Variants in SEMA5A observed in about 807,000 individuals in gnomAD.
SEMA5A encodes semaphorin 5A.
In SEMA5A, 55 loss-of-function variants were observed where a neutral mutation model predicts 135.5. The observed-to-expected ratio is 0.41, with a 90% confidence interval of 0.33 to 0.51. The LOEUF (loss-of-function observed/expected upper bound fraction) is 0.51, where lower values mean the gene tolerates loss of function less well. Among genes scored for constraint, SEMA5A ranks in the 20% least tolerant of loss-of-function variants. SEMA5A has a pLI of 0.37. For missense variants in SEMA5A, 1,290 were observed against 1,419.9 expected, an observed-to-expected ratio of 0.91 and a Z score of 1.47; for synonymous variants, 580 against 546.5, an observed-to-expected ratio of 1.06 and a Z score of -0.85.
chr5:9,148,517 C>T (rs1742461335), intron 12 of SEMA5A, among the ~76,000 whole-genome samples: 1 of 152,166 alleles, frequency 6.6e-6, no homozygotes, highest in South Asian at 2.1e-4. Context: ...CCATTCCTCC[C>T]TCATCCCTAT....
At chr5:9,298,854 TTATAAG>T (rs1377459415) in intron 5 of SEMA5A, among the ~76,000 whole-genome samples, 4 of 152,302 alleles carry the variant, frequency 2.6e-5, no homozygotes, top group Admixed American at 6.5e-5. Flanking sequence ...TACCCCATTG[TTATAAG>T]ATTTTGAAAT....
Position 9,042,784 on chromosome 5 carries a change from T to C in SEMA5A, c.*113A>G. 1 of 1,326,578 alleles carries C rather than the reference T, an allele frequency of 7.5e-7. No individual in the cohort carries two copies. Among genetic ancestry groups the C allele is most frequent in the Non-Finnish European group, 1.1e-6 (1 of 945,252 alleles). 82.2% of individuals were successfully genotyped at this position (1,326,578 alleles called of 1,614,324 possible). ...AATGGGACACTCTGGTGGCTTGAAATGCACTTGAAATGTATCCAAACTTCG... is the reference window on the plus strand; with the variant it reads ...AATGGGACACTCTGGTGGCTTGAAACGCACTTGAAATGTATCCAAACTTCG... On this transcript the variant is annotated 3_prime_UTR_variant, in exon 23 of 23. Transcript: ENST00000382496.
intron 2 of SEMA5A, among the ~76,000 whole-genome samples, chr5:9,433,446 G>A (rs1288751433): frequency 6.6e-6 from 1 of 151,916 alleles, no homozygotes; most frequent in Admixed American, 6.6e-5. Flanking sequence ...AAAAAACAGT[G>A]ACAATAATGA....
rs1405609586 is a variant in SEMA5A, at chr5:9,509,433, C to T, written c.-175+36151G>A. Among the ~76,000 whole-genome samples, 4 of 152,098 alleles carry T rather than the reference C, an allele frequency of 2.6e-5. No individual in the cohort carries two copies. In the East Asian group the frequency reaches 5.8e-4, roughly 22 times the overall value. ...GGGATTACAGGCGCACACCACCACG[C>T]CCGGCTAATTTTTGTATTTTTAGTA... On this transcript the variant is annotated intron_variant, in intron 1 of 22. Transcript: ENST00000382496.
intron 1 of SEMA5A, among the ~76,000 whole-genome samples, chr5:9,479,667 ATCT>A (rs1759800771): frequency 6.6e-6 from 1 of 152,204 alleles, no homozygotes; most frequent in Non-Finnish European, 1.5e-5. Context: ...AAGGAATAAA[ATCT>A]TCTTCGGGTA....
At chr5:9,506,527 G>A (rs571983286) in intron 1 of SEMA5A, among the ~76,000 whole-genome samples, 2 of 152,264 alleles carry the variant, frequency 1.3e-5, no homozygotes, top group South Asian at 2.1e-4. Context: ...AATGAACAAC[G>A]AAATATGGCC....
chr5:9,498,238 T>C (rs1735400907), intron 1 of SEMA5A, among the ~76,000 whole-genome samples: 1 of 152,146 alleles, frequency 6.6e-6, no homozygotes, highest in African/African-American at 2.4e-5. Context: ...CAGGAGGCAC[T>C]ACTCCTCTGT....
chr5:9,513,892 T>C (rs1218827695), intron 1 of SEMA5A, among the ~76,000 whole-genome samples: 1 of 152,194 alleles, frequency 6.6e-6, no homozygotes, highest in Admixed American at 6.5e-5. Context: ...TAGTTTCCTA[T>C]GTAACAAATG....
chr5:9,065,264 A>T (rs1020281310), intron 17 of SEMA5A, among the ~76,000 whole-genome samples: 1 of 152,212 alleles, frequency 6.6e-6, no homozygotes, highest in Admixed American at 6.5e-5. Context: ...GCCTCCAGGC[A>T]TCCAGGCTGT....
chr5:9,186,528 G>A (rs920790884), intron 11 of SEMA5A, among the ~76,000 whole-genome samples: 1 of 152,152 alleles, frequency 6.6e-6, no homozygotes, highest in Non-Finnish European at 1.5e-5. Flanking sequence ...AGTAAGGTAG[G>A]AAGGACTCTA....
At position 9,190,253 on chromosome 5, in the gene SEMA5A, G is replaced by A. The variant is rs1360794285; in HGVS notation, c.1273+14C>T. Reference sequence around the variant, plus strand: ...GATGGTAGAAAACCCCTCAGAGGGGGCCAGAGCTCCTACCTGTGGCCAAAT... The same window carrying A: ...GATGGTAGAAAACCCCTCAGAGGGGACCAGAGCTCCTACCTGTGGCCAAAT... On this transcript the variant is annotated intron_variant, in intron 11 of 22. Transcript: ENST00000382496. 6.2e-7 allele frequency: 1 copy of A among 1,613,176 alleles called. No homozygotes were observed.
intron 3 of SEMA5A, 122 bp from the exon 4 acceptor site, chr5:9,337,934 T>C (rs549717455): frequency 1.5e-6 from 1 of 652,268 alleles, no homozygotes; most frequent in South Asian, 2.3e-5. Flanking sequence ...GGTCCCTCTA[T>C]GCCATCTTTC....
At chr5:9,206,055 T>C (rs1381833740) in intron 8 of SEMA5A, among the ~76,000 whole-genome samples, 1 of 152,198 alleles carries the variant, frequency 6.6e-6, no homozygotes, top group Admixed American at 6.5e-5. Context: ...TTTCCTTCCA[T>C]TATTTAAGTT....
At chr5:9,368,253 T>A (rs1202465638) in intron 3 of SEMA5A, among the ~76,000 whole-genome samples, 1 of 152,216 alleles carries the variant, frequency 6.6e-6, no homozygotes, top group African/African-American at 2.4e-5. Context: ...TCTCACATAA[T>A]GCTTGGACGT....
intron 3 of SEMA5A, among the ~76,000 whole-genome samples, chr5:9,351,240 G>T (rs747216556): frequency 5.9e-5 from 9 of 151,922 alleles, no homozygotes; most frequent in Non-Finnish European, 1.2e-4. Context: ...GTTATAATAG[G>T]CATGTGGCTA....
At chr5:9,400,156 C>T (rs933724755) in intron 2 of SEMA5A, among the ~76,000 whole-genome samples, 5 of 152,054 alleles carry the variant, frequency 3.3e-5, no homozygotes, top group African/African-American at 4.8e-5. Flanking sequence ...CAGGGCCTGT[C>T]GCAGGGTTGG....
Position 9,122,787 on chromosome 5 carries a change from C to T in SEMA5A, c.1650G>A (p.Thr550=), listed in dbSNP as rs138633079. The change falls in exon 14 of 23, where the codon ACG becomes ACA. Residue 550 remains threonine, a synonymous_variant. Transcript: ENST00000382496. The part of the protein sequence containing the change: ...DGHFGVWSPW[T]PCTHTDGSAV... Reference sequence around the variant, plus strand: ...CGCTGCCATCTGTGTGCGTGCAAGGCGTCCACGGAGACCACACACCAAAGT... The same window carrying T: ...CGCTGCCATCTGTGTGCGTGCAAGGTGTCCACGGAGACCACACACCAAAGT... 27 of 1,612,274 alleles carry T rather than the reference C, an allele frequency of 1.7e-5. No individual in the cohort carries two copies. The highest frequency in any genetic ancestry group is 1.7e-4 in the Middle Eastern group (1 of 6,054).
At chr5:9,459,069 G>T (rs538828847) in intron 1 of SEMA5A, among the ~76,000 whole-genome samples, 1 of 152,254 alleles carries the variant, frequency 6.6e-6, no homozygotes, top group Admixed American at 6.5e-5. Flanking sequence ...TACATAATAT[G>T]CTATACGTAG....
intron 21 of SEMA5A, 50 bp from the exon 22 acceptor site, chr5:9,044,634 C>T (rs1372027384): frequency 4.7e-6 from 7 of 1,483,578 alleles, no homozygotes; most frequent in Non-Finnish European, 6.6e-6. Context: ...AACATCCTGC[C>T]TAGCTACTCA....
Sources: allele counts gnomAD v4.1 joint callset (sites outside exome capture counted in the v4.1 genomes callset), GRCh38; gene constraint gnomAD v4.1.1; transcripts MANE v1.5; gene names NCBI Gene and HGNC (gene_info 2026-07-23, HGNC 2026-07-21).